The following ACTR3C variants were observed in gnomAD, a reference collection of about 807,000 sequenced individuals.
ACTR3C encodes the protein actin-related protein 3C.
A neutral mutation model predicts 26.3 loss-of-function variants in ACTR3C; 18 were observed. The ratio of observed to expected loss-of-function variants is 0.68; its 90% CI spans 0.47 to 1.01. The LOEUF (loss-of-function observed/expected upper bound fraction) is 1.01. Ranked by LOEUF, ACTR3C falls within the 50% of genes least tolerant of loss-of-function variation. ACTR3C has a pLI of 0.00. For synonymous variants in ACTR3C, 55 were observed against 94.5 expected (o/e 0.58, Z 2.42); for missense variants, 184 against 250.7 (o/e 0.73, Z 1.80).
chr7:150,057,725 C>T, the ACTR3C span, among the ~76,000 whole-genome samples: 2 of 152,192 alleles, frequency 1.3e-5, no homozygotes, highest in Non-Finnish European at 2.9e-5. Flanking sequence ...TGACTAAAAA[C>T]AGTCTTCATG....
At chr7:149,967,338 A>G in the ACTR3C span, among the ~76,000 whole-genome samples, 3 of 151,848 alleles carry the variant, frequency 2.0e-5, no homozygotes, top group Non-Finnish European at 4.4e-5. Flanking sequence ...CCTGGCCGCT[A>G]ATTTTTTATT....
chr7:150,215,988 A>G, the ACTR3C span, among the ~76,000 whole-genome samples: 3 of 151,994 alleles, frequency 2.0e-5, no homozygotes, highest in African/African-American at 7.3e-5. Context: ...AAAATCCCCA[A>G]ATATGGTGAA....
At chr7:150,080,346 C>A in the ACTR3C span, among the ~76,000 whole-genome samples, 1 of 151,058 alleles carries the variant, frequency 6.6e-6, no homozygotes, top group Non-Finnish European at 1.5e-5. Flanking sequence ...CTTCACCCTG[C>A]ACCACATCCC....
chr7:150,319,836 C>T (rs576975024), intron 1 of ACTR3C, among the ~76,000 whole-genome samples: 1 of 152,280 alleles, frequency 6.6e-6, no homozygotes, highest in African/African-American at 2.4e-5. Context: ...GATGCTGTAT[C>T]TGGAAGCTCT....
rs146492313 is a variant in ACTR3C at position 150,277,257 on chromosome 7, C to T, written c.564+7496G>A. Among the ~76,000 whole-genome samples the T allele has an allele frequency of 3.4e-3, 521 of 152,162 alleles. 3 individuals carry two copies. The highest frequency in any genetic ancestry group is 5.3e-3 in the Non-Finnish European group (362 of 67,986). ...TGTAATTCCAGCACTTTGGGAGGCT[C>T]GAGCCCAGGAGTTCGAGACCAGCTT... On this transcript the variant is annotated intron_variant, in intron 6 of 7. Transcript: ENST00000683684.
intron 6 of ACTR3C, among the ~76,000 whole-genome samples, chr7:150,261,716 A>AAATAAATAAATC (rs1833652508): frequency 6.6e-6 from 1 of 152,260 alleles, no homozygotes. Flanking sequence ...ATAAATAAAT[A>AAATAAATAAATC]AATAAATAAA....
At chr7:150,038,483 C>A in the ACTR3C span, among the ~76,000 whole-genome samples, 3 of 143,818 alleles carry the variant, frequency 2.1e-5, no homozygotes, top group South Asian at 6.4e-4. Context: ...CCATTTGTGA[C>A]CTCATACAAA....
At chr7:150,101,058 T>C in the ACTR3C span, among the ~76,000 whole-genome samples, 2 of 151,570 alleles carry the variant, frequency 1.3e-5, no homozygotes, top group African/African-American at 2.4e-5. Flanking sequence ...CAAAGATAGA[T>C]ACTAAACTAT....
At chr7:150,041,714 G>GT in the ACTR3C span, among the ~76,000 whole-genome samples, 1 of 139,692 alleles carries the variant, frequency 7.2e-6, no homozygotes, top group Non-Finnish European at 1.6e-5. Flanking sequence ...CTCGCGGGGG[G>GT]TGCCTCCCCC....
chr7:150,005,890 A>C, the ACTR3C span, among the ~76,000 whole-genome samples: 1 of 152,224 alleles, frequency 6.6e-6, no homozygotes, highest in Non-Finnish European at 1.5e-5. Context: ...GGTTACAAGA[A>C]ATGCATTCAG....
chr7:150,109,287 T>C, the ACTR3C span, among the ~76,000 whole-genome samples: 1 of 152,090 alleles, frequency 6.6e-6, no homozygotes. Context: ...TGAATATTTA[T>C]TTTCTTCTAT....
chr7:150,049,666 C>G, the ACTR3C span, among the ~76,000 whole-genome samples: 21 of 152,350 alleles, frequency 1.4e-4, no homozygotes, highest in East Asian at 3.7e-3. Flanking sequence ...TCCCTAACTG[C>G]GGGGGAGAAT....
chr7:150,032,970 G>T, the ACTR3C span, among the ~76,000 whole-genome samples: 1 of 152,146 alleles, frequency 6.6e-6, no homozygotes, highest in Non-Finnish European at 1.5e-5. Flanking sequence ...TGTGCAAAAG[G>T]TCTGCTGGAG....
the ACTR3C span, among the ~76,000 whole-genome samples, chr7:150,235,635 T>G: frequency 6.6e-6 from 1 of 152,198 alleles, no homozygotes; most frequent in Non-Finnish European, 1.5e-5. Flanking sequence ...ATTTACAAAA[T>G]GTAATGCAGC....
the ACTR3C span, among the ~76,000 whole-genome samples, chr7:150,193,107 A>G: frequency 4.3e-4 from 65 of 152,252 alleles, no homozygotes; most frequent in African/African-American, 1.4e-3. Flanking sequence ...TCCCCAGTCA[A>G]TCCTCATATG....
At chr7:149,926,000 T>C in the ACTR3C span, among the ~76,000 whole-genome samples, 1 of 151,882 alleles carries the variant, frequency 6.6e-6, no homozygotes, top group East Asian at 1.9e-4. Flanking sequence ...GAGGTGGAGG[T>C]TGCACTGAGT....
the ACTR3C span, among the ~76,000 whole-genome samples, chr7:150,226,052 A>G: frequency 1.3e-5 from 2 of 152,226 alleles, no homozygotes; most frequent in Non-Finnish European, 2.9e-5. Flanking sequence ...ACTAAATAGT[A>G]TTTCATTCTA....
the ACTR3C span, among the ~76,000 whole-genome samples, chr7:150,166,001 C>T: frequency 6.6e-6 from 1 of 151,718 alleles, no homozygotes; most frequent in Non-Finnish European, 1.5e-5. Flanking sequence ...ACTGTGAAAA[C>T]TGAAACACAC....
intron 1 of ACTR3C, among the ~76,000 whole-genome samples, chr7:150,315,015 A>ATTATT (rs1796715527): frequency 6.8e-6 from 1 of 147,082 alleles, no homozygotes; most frequent in Non-Finnish European, 1.5e-5. Flanking sequence ...ATTAAATAAT[A>ATTATT]AAATAATATT....
Sources: allele counts gnomAD v4.1 joint callset (sites outside exome capture counted in the v4.1 genomes callset), GRCh38; gene constraint gnomAD v4.1.1; transcripts MANE v1.5; gene names NCBI Gene and HGNC (gene_info 2026-07-23, HGNC 2026-07-21).